ERICH2: variants seen among roughly 807,000 people sequenced by gnomAD.
The protein encoded by ERICH2 is glutamate-rich protein 2.
Under a neutral mutation model 17.4 loss-of-function variants are expected in ERICH2, and 17 were observed. That is an observed-to-expected ratio of 0.98 (90% CI 0.67 to 1.47). The LOEUF is 1.47. Among genes scored for constraint, ERICH2 ranks in the 40% most tolerant of loss-of-function variants. ERICH2 has a pLI of 0.00. For synonymous variants in ERICH2, 51 were observed against 61.1 expected (o/e 0.83, Z 0.77); for missense variants, 186 against 183.2 (o/e 1.01, Z -0.09).
chr2:170,795,479 C>T (rs1417626440), intron 3 of ERICH2, among the ~76,000 whole-genome samples: 1 of 152,150 alleles, frequency 6.6e-6, no homozygotes, highest in Admixed American at 6.5e-5. Context: ...TCTCAAGTAG[C>T]TGGGACTGTG....
upstream of ERICH2, among the ~76,000 whole-genome samples, chr2:170,778,876 G>A (rs930672071): frequency 6.6e-6 from 1 of 152,170 alleles, no homozygotes; most frequent in Non-Finnish European, 1.5e-5. Flanking sequence ...AGCAAGGGGT[G>A]TTCCACCTCC....
the ERICH2 span, chr2:170,770,969 G>GCC: frequency 7.1e-6 from 1 of 141,460 alleles, no homozygotes; most frequent in Non-Finnish European, 1.6e-5. Context: ...TCCCCGGGCT[G>GCC]CCCCTGCCCC....
At chr2:170,776,466 C>T in the ERICH2 span, among the ~76,000 whole-genome samples, 1 of 152,204 alleles carries the variant, frequency 6.6e-6, no homozygotes, top group South Asian at 2.1e-4. Context: ...CAACTTCCGC[C>T]TCCTGGGTTC....
chr2:170,773,147 A>G, the ERICH2 span, among the ~76,000 whole-genome samples: 1 of 152,156 alleles, frequency 6.6e-6, no homozygotes, highest in Admixed American at 6.6e-5. Flanking sequence ...TCTCGTGGCT[A>G]ATTTGTTAAT....
At chr2:170,785,733 A>G (rs535956827) in intron 2 of ERICH2, among the ~76,000 whole-genome samples, 1 of 152,176 alleles carries the variant, frequency 6.6e-6, no homozygotes, top group Non-Finnish European at 1.5e-5. Context: ...AGGCAAGTAT[A>G]GAATTCATCT....
chr2:170,784,885 C>A, intron 2 of ERICH2, 52 bp downstream of exon 7: 1 of 1,299,742 alleles, frequency 7.7e-7, no homozygotes, highest in Non-Finnish European at 1.0e-6. Context: ...ATTGAAATAA[C>A]TAAAGACTGA....
intron 3 of ERICH2, among the ~76,000 whole-genome samples, chr2:170,794,724 T>C (rs912154184): frequency 3.9e-5 from 6 of 152,210 alleles, no homozygotes; most frequent in African/African-American, 1.4e-4. Context: ...AGTGTTAAAC[T>C]TAAATTCATT....
At chr2:170,773,327 G>A in the ERICH2 span, among the ~76,000 whole-genome samples, 1 of 152,226 alleles carries the variant, frequency 6.6e-6, no homozygotes, top group Non-Finnish European at 1.5e-5. Flanking sequence ...GATGGCATCA[G>A]TTAAGTCAGA....
intron 2 of ERICH2, among the ~76,000 whole-genome samples, chr2:170,791,718 A>T (rs201064499): frequency 2.4e-5 from 2 of 83,296 alleles, no homozygotes; most frequent in Admixed American, 1.2e-4. Context: ...AAAATAAAAT[A>T]AAAATAAAAT....
At chr2:170,795,745 T>C (rs2105723211) in intron 3 of ERICH2, among the ~76,000 whole-genome samples, 1 of 152,346 alleles carries the variant, frequency 6.6e-6, no homozygotes, top group South Asian at 2.1e-4. Flanking sequence ...TGCCAATCAA[T>C]CTTCCTATTT....
At chr2:170,796,440 G>GTTTTTTTTTTTTTTTTTT (rs370083171) in intron 3 of ERICH2, among the ~76,000 whole-genome samples, 1 of 83,468 alleles carries the variant, frequency 1.2e-5, no homozygotes, top group Non-Finnish European at 2.5e-5. Context: ...TTTTTTTTTT[G>GTTTTTTTTTTTTTTTTTT]TTTTTTTTTT....
In ERICH2 at chr2:170,786,310, A is replaced by G. The variant is rs560648430; in HGVS notation, c.216+1477A>G. On this transcript the variant is annotated intron_variant, in intron 2 of 4. Coordinates refer to ENST00000409885, the Ensembl canonical transcript of ERICH2. ...TTAGCTAGAGAATTCTAGATTGCCA[A>G]GATTTTTTTTTTAGGGCTTTGAACG... 2.2e-3 allele frequency among the ~76,000 whole-genome samples: 319 copies of G among 142,282 alleles called. 2 individuals are homozygous for G. Among genetic ancestry groups the G allele is most frequent in the African/African-American group, 7.0e-3 (289 of 41,256 alleles). 93.3% of individuals were successfully genotyped at this position (142,282 alleles called of 152,430 possible). A position where few individuals can be genotyped will look rare whatever the true frequency, so the allele number is the denominator to read the frequency against.
At chr2:170,782,441 C>T (rs1259227170), upstream of ERICH2, 1 of 902,328 alleles carries the variant, frequency 1.1e-6, no homozygotes, top group South Asian at 5.1e-5. Flanking sequence ...TAATTGAACC[C>T]TCCTTTTCTG....
chr2:170,777,781 G>T, the ERICH2 span: 7 of 706,946 alleles, frequency 9.9e-6, no homozygotes, highest in Non-Finnish European at 1.4e-5. Context: ...AATTTGAAAG[G>T]CCAGAAATGC....
In ERICH2 at chr2:170,794,499, G is replaced by C. The variant is rs1575411774; in HGVS notation, c.274+1579G>C. Among the ~76,000 whole-genome samples the C allele has an allele frequency of 3.3e-5, 5 of 152,136 alleles. 1 individual carries two copies. The Middle Eastern group carries it at 0.017, about 517-fold the overall frequency. ...TATCTTCTGCTGTATCCAATATGCT[G>C]TTAAAACTATTTAGTGAGTCCAAGG... is the stretch of plus-strand genomic sequence containing the variant. On this transcript the variant is annotated intron_variant, in intron 3 of 4. Coordinates refer to ENST00000409885, the Ensembl canonical transcript of ERICH2.
At chr2:170,796,897 C>G (rs772719592) in intron 3 of ERICH2, among the ~76,000 whole-genome samples, 8 of 152,050 alleles carry the variant, frequency 5.3e-5, no homozygotes, top group Non-Finnish European at 1.0e-4. Flanking sequence ...AGAGAGAGAT[C>G]TGTGGAGCGA....
intron 2 of ERICH2, among the ~76,000 whole-genome samples, chr2:170,785,360 A>G (rs1213200008): frequency 6.6e-6 from 1 of 152,112 alleles, no homozygotes; most frequent in African/African-American, 2.4e-5. Flanking sequence ...GTTAGAGGTG[A>G]AAGAAGATTC....
chr2:170,794,327 C>T (rs139028574), intron 3 of ERICH2, among the ~76,000 whole-genome samples: 5,392 of 151,896 alleles, frequency 0.035, 330 homozygotes, highest in African/African-American at 0.12. Flanking sequence ...AGGCTGGTCT[C>T]GAACTCTTGG....
chr2:170,774,230 A>G, the ERICH2 span, among the ~76,000 whole-genome samples: 2 of 152,298 alleles, frequency 1.3e-5, no homozygotes, highest in Non-Finnish European at 2.9e-5. Flanking sequence ...GCCCTCAGAG[A>G]TAATCTGCTT....
Sources: allele counts gnomAD v4.1 joint callset (sites outside exome capture counted in the v4.1 genomes callset), GRCh38; gene constraint gnomAD v4.1.1; transcripts MANE v1.5; gene names NCBI Gene and HGNC (gene_info 2026-07-23, HGNC 2026-07-21).